Variants in MTBP observed in about 807,000 individuals in gnomAD.
MTBP encodes MDM2 binding protein, also known as mdm2-binding protein.
MTBP carries 101 observed loss-of-function variants against 117.0 expected under a neutral mutation model. The observed-to-expected ratio is 0.86, with a 90% CI of 0.73 to 1.02. MTBP has a LOEUF of 1.02. Among genes scored for constraint, MTBP ranks in the 50% least tolerant of loss-of-function variants. MTBP has a pLI of 0.00. For missense variants in MTBP, 970 were observed against 1,030.9 expected, an observed-to-expected ratio of 0.94 and a Z score of 0.81; for synonymous variants, 350 against 351.5, an observed-to-expected ratio of 1.00 and a Z score of 0.05.
chr8:120,494,972 T>C (rs1306253723), intron 13 of MTBP, among the ~76,000 whole-genome samples: 1 of 152,190 alleles, frequency 6.6e-6, no homozygotes, highest in African/African-American at 2.4e-5. Flanking sequence ...GAGTGTTTCA[T>C]ATTTTGCTCG....
At chr8:120,474,827 A>G (rs560609443) in intron 11 of MTBP, among the ~76,000 whole-genome samples, 1 of 152,028 alleles carries the variant, frequency 6.6e-6, no homozygotes, top group Non-Finnish European at 1.5e-5. Flanking sequence ...GATATTCAGA[A>G]GTTATTATAA....
intron 4 of MTBP, chr8:120,452,674 G>GA (rs1333389515): frequency 6.6e-6 from 1 of 151,770 alleles, no homozygotes; most frequent in Non-Finnish European, 1.5e-5. Context: ...ACTGAAAATA[G>GA]AAAAAATTAG....
chr8:120,451,412 C>A, intron 4 of MTBP, 90 bp downstream of exon 4: 2 of 1,147,656 alleles, frequency 1.7e-6, no homozygotes, highest in South Asian at 1.5e-5. Flanking sequence ...TATATTTTAG[C>A]ATCTTTACTG....
rs759294876 is a variant in MTBP, at chr8:120,516,058, C to A, written c.2113C>A (p.Leu705Ile). 1.2e-6 allele frequency: 2 copies of A among 1,613,068 alleles called. No individual in the cohort carries two copies. Among genetic ancestry groups the A allele is most frequent in the Non-Finnish European group, 1.7e-6 (2 of 1,179,244 alleles). Residue 705 changes from leucine (L) to isoleucine (I), a missense_variant, in exon 18 of 22, where the codon CTT becomes ATT. By Grantham distance (5) the Leu-to-Ile change is conservative. Transcript: ENST00000305949. ...SFPVPTVLSP[L>I]PSPVVSSDPG... ...TCCAGTACCTACTGTGTTGAGCCCT[C>A]TTCCATCTCCTGTAGTTTCGTCAGA...
intron 2 of MTBP, among the ~76,000 whole-genome samples, chr8:120,448,598 A>G (rs1039259558): frequency 5.3e-5 from 8 of 152,196 alleles, no homozygotes; most frequent in Non-Finnish European, 1.2e-4. Flanking sequence ...AAGTAGTAAC[A>G]TGATTGGTTA....
intron 13 of MTBP, among the ~76,000 whole-genome samples, chr8:120,495,800 G>A (rs570444649): frequency 4.6e-5 from 7 of 151,922 alleles, no homozygotes; most frequent in Non-Finnish European, 5.9e-5. Context: ...TATTTCATGG[G>A]TGCAGTATCT....
In MTBP at chr8:120,523,318, AAAGAC is replaced by A. The variant is rs766512223; in HGVS notation, c.2701_2705del (p.Thr901GlnfsTer10). The A allele has an allele frequency of 6.4e-7, 1 of 1,557,096 alleles. No individual in the cohort carries two copies. The highest frequency in any genetic ancestry group is 1.2e-5 in the South Asian group (1 of 82,232). The stretch of plus-strand genomic sequence containing the variant: ...CCTAGGTGATTGACTGGGTATTAGA[AAAGAC>A]AAGCAAGAAATGATACATAATCATT... On this transcript the variant is annotated frameshift_variant, in exon 22 of 22. Transcript: ENST00000305949. LOFTEE classifies it high-confidence loss of function.
intron 20 of MTBP, among the ~76,000 whole-genome samples, chr8:120,519,187 A>C (rs1484998747): frequency 6.6e-6 from 1 of 151,858 alleles, no homozygotes; most frequent in Non-Finnish European, 1.5e-5. Context: ...TTCTGAAAAA[A>C]AAAAAAAAAG....
At position 120,459,161 on chromosome 8, in the gene MTBP, C is replaced by G. The variant is rs1813532878; in HGVS notation, c.748-54C>G. The G allele has an allele frequency of 4.1e-6, 6 of 1,461,480 alleles. No individual in the cohort carries two copies. The South Asian group carries it at 7.5e-5, about 18-fold the overall frequency. 90.5% of individuals were successfully genotyped at this position (1,461,480 alleles called of 1,614,324 possible). A position where few individuals can be genotyped will look rare whatever the true frequency, so the allele number is the denominator to read the frequency against. On this transcript the variant is annotated intron_variant, in intron 7 of 21. Transcript: ENST00000305949. ...TTACATTGTAATAAGATGTATTAAT[C>G]TTTATAGCATTATTCATGATACTTG...
chr8:120,468,511 C>T (rs895131751), intron 10 of MTBP, among the ~76,000 whole-genome samples: 10 of 152,146 alleles, frequency 6.6e-5, no homozygotes, highest in African/African-American at 2.2e-4. Flanking sequence ...ATTTTCCCTG[C>T]AAAAAGTTGT....
At chr8:120,496,588 A>T (rs1291139163) in intron 13 of MTBP, among the ~76,000 whole-genome samples, 1 of 151,954 alleles carries the variant, frequency 6.6e-6, no homozygotes, top group Non-Finnish European at 1.5e-5. Context: ...GCATTTGTGG[A>T]TGTTCACTTT....
intron 18 of MTBP, among the ~76,000 whole-genome samples, 187 bp from the exon 19 acceptor site, chr8:120,517,659 ATATAT>A (rs910301348): frequency 4.0e-5 from 6 of 151,730 alleles, no homozygotes; most frequent in South Asian, 2.1e-4. Context: ...ATATTATGTA[ATATAT>A]TATGTTATAT....
chr8:120,450,211 T>TC (rs1001756434), intron 2 of MTBP, among the ~76,000 whole-genome samples: 1 of 152,092 alleles, frequency 6.6e-6, no homozygotes, highest in African/African-American at 2.4e-5. Flanking sequence ...CAGTGCTTCT[T>TC]ACACGTTAAA....
Position 120,463,778 on chromosome 8 carries a change from G to T in MTBP, c.1047+17G>T. On this transcript the variant is annotated intron_variant, in intron 10 of 21. Coordinates refer to ENST00000305949, the MANE Select transcript of MTBP (RefSeq NM_022045.5). Reference sequence around the variant, plus strand: ...TGTAGCAAGGTATTGAGGGTTTCTTGGGGGTTTTTTGTTTGTTTGTTTTTA... The same window carrying T: ...TGTAGCAAGGTATTGAGGGTTTCTTTGGGGTTTTTTGTTTGTTTGTTTTTA... 6.2e-7 allele frequency: 1 copy of T among 1,606,022 alleles called. No individual in the cohort carries two copies. Among genetic ancestry groups the T allele is most frequent in the South Asian group, 1.1e-5 (1 of 90,098 alleles).
intron 12 of MTBP, among the ~76,000 whole-genome samples, chr8:120,489,127 C>T (rs1026106601): frequency 6.6e-6 from 1 of 151,416 alleles, no homozygotes; most frequent in African/African-American, 2.4e-5. Context: ...CAACCTCTGC[C>T]TCCCAGGTTC....
In MTBP at chr8:120,457,902, C is replaced by T. The variant is rs577547470; in HGVS notation, c.747+1232C>T. On this transcript the variant is annotated intron_variant, in intron 7 of 21. Transcript: ENST00000305949. ...CGGAGGTTTCAGTGAGCTGAGATCGCGCCACTGCACTCCAGCCTGCGTGAC... is the reference window on the plus strand; with the variant it reads ...CGGAGGTTTCAGTGAGCTGAGATCGTGCCACTGCACTCCAGCCTGCGTGAC... Among the ~76,000 whole-genome samples the T allele has an allele frequency of 6.7e-5, 10 of 149,624 alleles. No individual in the cohort carries two copies. The East Asian group carries it at 9.8e-4, about 15-fold the overall frequency.
chr8:120,494,790 C>G (rs1209851687), intron 13 of MTBP, among the ~76,000 whole-genome samples: 1 of 152,030 alleles, frequency 6.6e-6, no homozygotes, highest in East Asian at 1.9e-4. Flanking sequence ...TTCTTTGTTT[C>G]TCTTATGGTT....
intron 11 of MTBP, among the ~76,000 whole-genome samples, chr8:120,482,556 G>A (rs1298683301): frequency 6.6e-6 from 1 of 152,096 alleles, no homozygotes; most frequent in Non-Finnish European, 1.5e-5. Context: ...TATAGTAATT[G>A]AGAGGAAATG....
intron 11 of MTBP, among the ~76,000 whole-genome samples, chr8:120,480,479 C>T (rs1028349707): frequency 6.6e-6 from 1 of 151,924 alleles, no homozygotes; most frequent in Non-Finnish European, 1.5e-5. Flanking sequence ...ACTAGAATGG[C>T]CAGAACAATT....
Sources: gnomAD v4.1 joint callset for allele counts (sites outside exome capture counted in the v4.1 genomes callset) on GRCh38, gnomAD v4.1.1 for gene constraint, MANE v1.5 for transcripts, NCBI Gene and HGNC (gene_info 2026-07-23, HGNC 2026-07-21) for gene names.